OSBPL9: variants seen among roughly 807,000 people sequenced by gnomAD.
OSBPL9 encodes the protein oxysterol binding protein like 9.
Under a neutral mutation model 106.6 loss-of-function variants are expected in OSBPL9, and 40 were observed. The ratio of observed to expected loss-of-function variants is 0.38; its 90% confidence interval spans 0.29 to 0.49. OSBPL9 has a LOEUF of 0.49. OSBPL9 is among the 20% of genes least tolerant of loss of function. The pLI is 0.97. For synonymous variants in OSBPL9, 269 were observed against 295.4 expected (o/e 0.91, Z 0.92); for missense variants, 609 against 887.2 (o/e 0.69, Z 3.98).
At chr1:51,603,654 G>A (rs897228124) in intron 2 of OSBPL9, among the ~76,000 whole-genome samples, 1 of 152,076 alleles carries the variant, frequency 6.6e-6, no homozygotes, top group Non-Finnish European at 1.5e-5. Flanking sequence ...ATTATTCTGC[G>A]CCAATATTTT....
At chr1:51,608,146 C>T (rs1570541602) in intron 2 of OSBPL9, among the ~76,000 whole-genome samples, 2 of 152,256 alleles carry the variant, frequency 1.3e-5, no homozygotes, top group South Asian at 2.1e-4. Flanking sequence ...TAAACTCCAC[C>T]ATTTTGCCTC....
chr1:51,667,039 G>A (rs1247746221), intron 2 of OSBPL9, among the ~76,000 whole-genome samples: 2 of 152,164 alleles, frequency 1.3e-5, no homozygotes, highest in Non-Finnish European at 2.9e-5. Flanking sequence ...ATAGTTGAGA[G>A]GTAGAATGAG....
intron 3 of OSBPL9, among the ~76,000 whole-genome samples, chr1:51,713,307 G>A (rs918080855): frequency 6.6e-6 from 1 of 151,880 alleles, no homozygotes; most frequent in South Asian, 2.1e-4. Context: ...CCGCCACCAT[G>A]CCTGGCTAAT....
rs900514482 is a variant in OSBPL9, at chr1:51,711,031, T to C, written c.242-2972T>C. Among the ~76,000 whole-genome samples, 97 of 151,124 alleles carry C rather than the reference T, an allele frequency of 6.4e-4. 1 individual carries two copies. Among genetic ancestry groups the C allele is most frequent in the Admixed American group, 1.3e-3 (20 of 15,202 alleles). Reference sequence around the variant, plus strand: ...ATTGCTTACCCTTACTTCTATATTTTCTTTTTTTTTTTTTCCCAAGGCAGA... The same window carrying C: ...ATTGCTTACCCTTACTTCTATATTTCCTTTTTTTTTTTTTCCCAAGGCAGA... On this transcript the variant is annotated intron_variant, in intron 3 of 23. Coordinates refer to ENST00000428468, the MANE Select transcript of OSBPL9 (RefSeq NM_024586.6).
intron 8 of OSBPL9, 144 bp downstream of exon 8, chr1:51,750,339 A>G: frequency 1.8e-6 from 1 of 541,246 alleles, no homozygotes; most frequent in South Asian, 2.6e-5. Flanking sequence ...CTATGGAACA[A>G]CTGTTGTGTT....
the OSBPL9 span, among the ~76,000 whole-genome samples, chr1:51,552,786 G>A: frequency 7.9e-5 from 12 of 151,816 alleles, no homozygotes; most frequent in African/African-American, 2.2e-4. Context: ...CACCATGCCC[G>A]GCTAATTTTT....
chr1:51,604,703 G>A (rs148072295), intron 2 of OSBPL9, among the ~76,000 whole-genome samples: 3,993 of 152,090 alleles, frequency 0.026, 80 homozygotes, highest in Non-Finnish European at 0.038. Context: ...TCCCAGGCAG[G>A]AGTACAATGG....
At chr1:51,519,593 G>C in the OSBPL9 span, among the ~76,000 whole-genome samples, 2 of 152,146 alleles carry the variant, frequency 1.3e-5, no homozygotes, top group East Asian at 3.8e-4. Flanking sequence ...CCTACGCTGA[G>C]CTCCTGCTTC....
intron 1 of OSBPL9, among the ~76,000 whole-genome samples, chr1:51,620,136 T>C (rs1431532279): frequency 6.6e-6 from 1 of 152,216 alleles, no homozygotes; most frequent in East Asian, 1.9e-4. Context: ...AGTTGAATTT[T>C]TATTAGATGA....
chr1:51,620,189 G>A (rs1229611228), intron 1 of OSBPL9, among the ~76,000 whole-genome samples: 1 of 152,200 alleles, frequency 6.6e-6, no homozygotes, highest in African/African-American at 2.4e-5. Context: ...GGAACACTAT[G>A]TGAGCAACCA....
At chr1:51,551,973 G>GTGTT in the OSBPL9 span, among the ~76,000 whole-genome samples, 378 of 151,462 alleles carry the variant, frequency 2.5e-3, 3 homozygotes, top group Non-Finnish European at 4.7e-3. Context: ...AGAAATGTGT[G>GTGTT]TGTGTGTGTG....
At chr1:51,755,422 A>C (rs1670122808) in intron 8 of OSBPL9, among the ~76,000 whole-genome samples, 1 of 152,224 alleles carries the variant, frequency 6.6e-6, no homozygotes, top group Non-Finnish European at 1.5e-5. Flanking sequence ...TGACTTAATA[A>C]TGGTTTTACT....
chr1:51,559,293 G>A, the OSBPL9 span, among the ~76,000 whole-genome samples: 5 of 151,984 alleles, frequency 3.3e-5, no homozygotes, highest in African/African-American at 1.2e-4. Flanking sequence ...GAGTGTGGGG[G>A]TGGGGGTTGC....
intron 4 of OSBPL9, among the ~76,000 whole-genome samples, chr1:51,736,001 A>T (rs1427525576): frequency 6.6e-6 from 1 of 152,218 alleles, no homozygotes; most frequent in Non-Finnish European, 1.5e-5. Context: ...TTTTTCCACG[A>T]ATATTCTGAT....
intron 4 of OSBPL9, among the ~76,000 whole-genome samples, chr1:51,726,943 A>C (rs1488576136): frequency 6.6e-6 from 1 of 152,210 alleles, no homozygotes; most frequent in Non-Finnish European, 1.5e-5. Context: ...CTAACTTTAC[A>C]CTAAGATTAG....
chr1:51,607,853 G>A (rs1399147743), intron 2 of OSBPL9, among the ~76,000 whole-genome samples: 1 of 152,232 alleles, frequency 6.6e-6, no homozygotes, highest in African/African-American at 2.4e-5. Flanking sequence ...AATTTTAGAG[G>A]AGGAACGAAA....
intron 18 of OSBPL9, 90 bp from the exon 19 acceptor site, chr1:51,784,174 G>A: frequency 6.9e-7 from 1 of 1,444,064 alleles, no homozygotes; most frequent in Non-Finnish European, 9.7e-7. Context: ...TAAATTGAAT[G>A]GAGTATCCTG....
chr1:51,521,308 T>C, the OSBPL9 span, among the ~76,000 whole-genome samples: 2 of 152,182 alleles, frequency 1.3e-5, no homozygotes, highest in Admixed American at 1.3e-4. Context: ...CTGAAAATCA[T>C]GGAGCAAATC....
chr1:51,770,005 C>G (rs1673493611), intron 12 of OSBPL9, among the ~76,000 whole-genome samples: 1 of 152,178 alleles, frequency 6.6e-6, no homozygotes, highest in African/African-American at 2.4e-5. Context: ...GGGTCTCACT[C>G]TATCACTCAG....
Sources: gnomAD v4.1 joint callset for allele counts (sites outside exome capture counted in the v4.1 genomes callset) on GRCh38, gnomAD v4.1.1 for gene constraint, MANE v1.5 for transcripts, NCBI Gene and HGNC (gene_info 2026-07-23, HGNC 2026-07-21) for gene names.